COA8: variants seen among roughly 807,000 people sequenced by gnomAD.
COA8 encodes the protein UPF0671 protein C14orf153.
COA8 carries 20 observed loss-of-function variants against 22.0 expected under a neutral mutation model. The ratio of observed to expected loss-of-function variants is 0.91; its 90% confidence interval spans 0.64 to 1.32. The LOEUF (loss-of-function observed/expected upper bound fraction) is 1.32, where lower values mean the gene tolerates loss of function less well. Ranked by LOEUF, COA8 falls within the 40% of genes most tolerant of loss-of-function variation. COA8 has a pLI of 0.00. For missense variants in COA8, 266 were observed against 230.0 expected (o/e 1.16, Z -1.01); for synonymous variants, 105 against 79.9 (o/e 1.31, Z -1.68).
At chr14:103,570,013 C>A (rs750713979) in intron 1 of COA8, among the ~76,000 whole-genome samples, 5 of 152,100 alleles carry the variant, frequency 3.3e-5, no homozygotes, top group African/African-American at 1.2e-4. Flanking sequence ...CCGGCCACCA[C>A]GCATGGCTAA....
chr14:103,571,500 T>C, intron 1 of COA8, 123 bp from the exon 2 acceptor site: 1 of 973,762 alleles, frequency 1.0e-6, no homozygotes, highest in Non-Finnish European at 1.5e-6. Context: ...ATCACGCCAC[T>C]ACACTCCAGT....
At chr14:103,569,206 A>G (rs150434124) in intron 1 of COA8, among the ~76,000 whole-genome samples, 30 of 152,208 alleles carry the variant, frequency 2.0e-4, no homozygotes, top group African/African-American at 7.0e-4. Context: ...TCGCACTACA[A>G]AGGGCTCTTC....
intron 4 of COA8, 139 bp from the exon 5 acceptor site, chr14:103,590,042 T>G (rs1409429522): frequency 2.8e-6 from 2 of 713,702 alleles, no homozygotes; most frequent in Non-Finnish European, 4.8e-6. Context: ...AGTTTAGCTT[T>G]AACAAGGGCA....
chr14:103,570,593 C>T (rs1177610831), intron 1 of COA8, among the ~76,000 whole-genome samples: 1 of 152,042 alleles, frequency 6.6e-6, no homozygotes, highest in East Asian at 1.9e-4. Flanking sequence ...ATTAGCCGGG[C>T]GTGGTGGCAT....
intron 3 of COA8, among the ~76,000 whole-genome samples, chr14:103,583,402 G>T (rs1399844699): frequency 1.3e-5 from 2 of 151,992 alleles, no homozygotes; most frequent in African/African-American, 4.8e-5. Flanking sequence ...TTAGCTGGGT[G>T]TGGTGGCGGG....
At chr14:103,565,671 A>G (rs913476664) in intron 1 of COA8, among the ~76,000 whole-genome samples, 16 of 147,848 alleles carry the variant, frequency 1.1e-4, no homozygotes, top group African/African-American at 3.5e-4. Context: ...GCTGGAGTGC[A>G]GTGGCGTGAT....
Position 103,588,032 on chromosome 14 carries a change from C to T in COA8, c.476+668C>T, listed in dbSNP as rs141931049. The T allele has an allele frequency of 1.1e-3, 258 of 225,950 alleles. 4 individuals are homozygous for T. In the East Asian group the frequency reaches 0.016, roughly 14 times the overall value. 14.0% of individuals were successfully genotyped at this position (225,950 alleles called of 1,614,324 possible). A position where few individuals can be genotyped will look rare whatever the true frequency, so the allele number is the denominator to read the frequency against. Reference sequence around the variant, plus strand: ...TCCGGAGGCTCAGTCAGGAGAATCGCTTGAACGTGGAAGGTGGAGGTTGCG... The same window carrying T: ...TCCGGAGGCTCAGTCAGGAGAATCGTTTGAACGTGGAAGGTGGAGGTTGCG... On this transcript the variant is annotated intron_variant, in intron 4 of 4. Transcript: ENST00000409074.
At chr14:103,584,516 C>A (rs2151186151) in intron 3 of COA8, among the ~76,000 whole-genome samples, 1 of 152,260 alleles carries the variant, frequency 6.6e-6, no homozygotes, top group Non-Finnish European at 1.5e-5. Flanking sequence ...GAACAGGGGA[C>A]AAAGACCAAA....
rs867621320 is a variant in COA8 at position 103,589,297 on chromosome 14, T to C, written c.477-884T>C. 1.4e-4 allele frequency among the ~76,000 whole-genome samples: 21 copies of C among 152,330 alleles called. No individual in the cohort carries two copies. The South Asian group carries it at 4.4e-3, about 32-fold the overall frequency. ...TCTTCTCCTGGAAGCGCTTATTTAC[T>C]TTGGGCACTGCTCCTCATGACAGCA... On this transcript the variant is annotated intron_variant, in intron 4 of 4. Transcript: ENST00000409074.
rs568790020 is a variant in COA8 at position 103,581,704 on chromosome 14, G to A, written c.386-5570G>A. On this transcript the variant is annotated intron_variant, in intron 3 of 4. Transcript: ENST00000409074. The surrounding 1 kb of genome is among the most constrained non-coding windows in gnomAD (Gnocchi z 4.1). ...AGAAAATGAAGTAGCCCCAGATGAC[G>A]TAGGAAATGGCAGAACTGAAGGGAA... 2.2e-4 allele frequency: 89 copies of A among 398,558 alleles called. No homozygotes were observed. In the South Asian group the frequency reaches 2.9e-3, roughly 13 times the overall value. The allele number at this position is 398,558 out of a possible 1,614,324, so 24.7% of individuals were successfully genotyped here.
chr14:103,563,100 G>A lies in COA8; in HGVS notation c.99G>A (p.Glu33=), dbSNP rs565490083. The part of the protein sequence containing the change: ...GCQLAPERGA[E]RRDTAPSGVS... Reference sequence around the variant, plus strand: ...AACTCGCTCCGGAGCGCGGCGCCGAGCGCAGGGATACGGCGCCCAGCGGGG... The same window carrying A: ...AACTCGCTCCGGAGCGCGGCGCCGAACGCAGGGATACGGCGCCCAGCGGGG... Residue 33 remains glutamate, a synonymous_variant, in exon 1 of 5, where the codon GAG becomes GAA. Coordinates refer to ENST00000409074, the MANE Select transcript of COA8 (RefSeq NM_001370595.2). 47 of 1,540,060 alleles carry A rather than the reference G, an allele frequency of 3.1e-5. No individual in the cohort carries two copies. The South Asian group carries it at 5.1e-4, about 17-fold the overall frequency.
Position 103,590,478 on chromosome 14 carries a change from G to C in COA8, c.*192G>C. ...CGCCTGCCTGCTGATGTGGGCTCTAGGCCAGCTTGTTGTCACGTACGTGGT... is the reference window on the plus strand; with the variant it reads ...CGCCTGCCTGCTGATGTGGGCTCTACGCCAGCTTGTTGTCACGTACGTGGT... On this transcript the variant is annotated 3_prime_UTR_variant, in exon 5 of 5. Transcript: ENST00000409074. 5.4e-6 allele frequency: 3 copies of C among 555,072 alleles called. No individual in the cohort carries two copies. The East Asian group carries it at 9.3e-5, about 17-fold the overall frequency. The allele number at this position is 555,072 out of a possible 1,614,324, so 34.4% of individuals were successfully genotyped here.
At chr14:103,570,486 A>C (rs1234353934) in intron 1 of COA8, among the ~76,000 whole-genome samples, 1 of 152,252 alleles carries the variant, frequency 6.6e-6, no homozygotes, top group East Asian at 1.9e-4. Context: ...TAATCCCAGC[A>C]CTTTGGGAGG....
chr14:103,584,546 G>A (rs34026011), intron 3 of COA8, among the ~76,000 whole-genome samples: 38,845 of 151,996 alleles, frequency 0.26, 5,418 homozygotes, highest in East Asian at 0.35. Flanking sequence ...ATAATGCCAC[G>A]TGGGTCTTAT....
chr14:103,564,542 T>G (rs1407016920), intron 1 of COA8, among the ~76,000 whole-genome samples: 1 of 148,628 alleles, frequency 6.7e-6, no homozygotes, highest in Non-Finnish European at 1.5e-5. Context: ...AGCACCCAAA[T>G]AAGGATTTCT....
intron 3 of COA8, among the ~76,000 whole-genome samples, chr14:103,583,566 A>AAAAAAAG: frequency 6.9e-6 from 1 of 144,698 alleles, no homozygotes; most frequent in Non-Finnish European, 1.5e-5. Flanking sequence ...AAAAAAAAAA[A>AAAAAAAG]GAGTCTTTTT....
chr14:103,587,497 T>C (rs1026323201), intron 4 of COA8, 133 bp downstream of exon 4: 18 of 508,550 alleles, frequency 3.5e-5, no homozygotes, highest in Admixed American at 2.7e-4. Flanking sequence ...AACTTTTTTT[T>C]TTCTTTTTTT....
chr14:103,586,719 C>T (rs2076310014), intron 3 of COA8, among the ~76,000 whole-genome samples: 1 of 150,176 alleles, frequency 6.7e-6, no homozygotes, highest in African/African-American at 2.5e-5. Flanking sequence ...ATTGTAACCT[C>T]TGCCACCCCC....
chr14:103,580,110 T>C (rs944268896), intron 3 of COA8, among the ~76,000 whole-genome samples: 1 of 152,140 alleles, frequency 6.6e-6, no homozygotes. Flanking sequence ...AAAGCCTTGC[T>C]CTGCCACTCA....
Sources: allele counts gnomAD v4.1 joint callset (sites outside exome capture counted in the v4.1 genomes callset), GRCh38; gene constraint gnomAD v4.1.1; non-coding constraint Gnocchi (gnomAD v3.1); transcripts MANE v1.5; gene names NCBI Gene and HGNC (gene_info 2026-07-23, HGNC 2026-07-21).